WWOX: variants seen among roughly 807,000 people sequenced by gnomAD.
WWOX encodes the protein WW domain containing oxidoreductase, also known as WW domain-containing oxidoreductase.
WWOX carries 69 observed loss-of-function variants against 46.2 expected under a neutral mutation model. The ratio of observed to expected loss-of-function variants is 1.49; its 90% CI spans 1.23 to 1.82. The LOEUF is 1.82. WWOX is among the 40% of genes most tolerant of loss of function. WWOX has a pLI of 0.00. For synonymous variants in WWOX, 359 were observed against 202.6 expected (o/e 1.77, Z -6.56); for missense variants, 919 against 542.6 (o/e 1.69, Z -6.89).
intron 6 of WWOX, among the ~76,000 whole-genome samples, chr16:78,394,427 A>G (rs1176912809): frequency 1.4e-5 from 2 of 144,480 alleles, no homozygotes; most frequent in African/African-American, 5.2e-5. Context: ...TTGAAAAAGC[A>G]CACTGTGAAA....
chr16:78,829,827 C>T (rs957311879), intron 8 of WWOX, among the ~76,000 whole-genome samples: 2 of 152,172 alleles, frequency 1.3e-5, no homozygotes, highest in African/African-American at 4.8e-5. Flanking sequence ...GCTCCTCCCT[C>T]CTGCTAGCAT....
At chr16:78,105,388 G>T (rs879932537) in intron 1 of WWOX, among the ~76,000 whole-genome samples, 7 of 151,960 alleles carry the variant, frequency 4.6e-5, no homozygotes, top group Non-Finnish European at 7.4e-5. Flanking sequence ...GAACCTGGGA[G>T]GCAGAGGTTG....
intron 8 of WWOX, among the ~76,000 whole-genome samples, chr16:78,595,450 C>T (rs77120199): frequency 0.023 from 3,463 of 152,256 alleles, 104 homozygotes; most frequent in East Asian, 0.14. Flanking sequence ...CATACATTGA[C>T]CAAAGATCCG....
chr16:78,758,061 T>C (rs1294476366), intron 8 of WWOX, among the ~76,000 whole-genome samples: 4 of 152,178 alleles, frequency 2.6e-5, no homozygotes, highest in African/African-American at 7.2e-5. Flanking sequence ...CCTATTATTA[T>C]TAATATTTAA....
At chr16:78,995,431 T>C (rs1391134919) in intron 8 of WWOX, among the ~76,000 whole-genome samples, 4 of 152,136 alleles carry the variant, frequency 2.6e-5, no homozygotes, top group Non-Finnish European at 5.9e-5. Flanking sequence ...TTTTCTGTCC[T>C]CAGCCGTAAG....
chr16:78,497,868 T>TAAA (rs2084955407), intron 8 of WWOX, among the ~76,000 whole-genome samples: 2 of 22,936 alleles, frequency 8.7e-5, no homozygotes, highest in South Asian at 4.7e-3. Flanking sequence ...ATAAAAAAAT[T>TAAA]AAAAAAGCCC....
intron 8 of WWOX, among the ~76,000 whole-genome samples, chr16:78,873,847 G>C (rs1006441394): frequency 1.3e-5 from 2 of 151,912 alleles, no homozygotes; most frequent in African/African-American, 4.8e-5. Flanking sequence ...TTTTTTGCCA[G>C]GCCATGTGCT....
chr16:78,122,544 T>G (rs1225739221), intron 4 of WWOX, among the ~76,000 whole-genome samples: 2 of 152,184 alleles, frequency 1.3e-5, no homozygotes, highest in Non-Finnish European at 2.9e-5. Flanking sequence ...TTTGATCTTT[T>G]GCTTTTACAT....
intron 8 of WWOX, among the ~76,000 whole-genome samples, chr16:78,810,013 C>T (rs180964301): frequency 2.6e-5 from 4 of 152,280 alleles, no homozygotes; most frequent in African/African-American, 9.6e-5. Flanking sequence ...AACATGGATT[C>T]ATCAAAGGAA....
At chr16:78,978,806 T>A (rs2046623294) in intron 8 of WWOX, among the ~76,000 whole-genome samples, 1 of 152,014 alleles carries the variant, frequency 6.6e-6, no homozygotes, top group African/African-American at 2.4e-5. Context: ...TTATGAAGGG[T>A]TCATCCTCAT....
intron 5 of WWOX, among the ~76,000 whole-genome samples, chr16:78,170,081 G>C (rs753354640): frequency 6.6e-6 from 1 of 152,106 alleles, no homozygotes; most frequent in Non-Finnish European, 1.5e-5. Flanking sequence ...AATGTGTCTT[G>C]AGTCTATTAC....
At chr16:78,674,392 G>A (rs1597428240) in intron 8 of WWOX, among the ~76,000 whole-genome samples, 1 of 149,636 alleles carries the variant, frequency 6.7e-6, no homozygotes, top group South Asian at 2.1e-4. Context: ...TCAAGCAATT[G>A]TCCTGCCTCA....
chr16:78,751,674 T>G (rs1199445493), intron 8 of WWOX, among the ~76,000 whole-genome samples: 1 of 151,696 alleles, frequency 6.6e-6, no homozygotes, highest in Non-Finnish European at 1.5e-5. Context: ...GAAAGCCATT[T>G]CTGCAGAGTT....
chr16:78,361,044 A>G (rs2081399634), intron 5 of WWOX, among the ~76,000 whole-genome samples: 1 of 152,030 alleles, frequency 6.6e-6, no homozygotes, highest in Non-Finnish European at 1.5e-5. Flanking sequence ...GCTGGTTTTG[A>G]GCTCCTGGGC....
At chr16:78,740,315 C>T (rs1033808655) in intron 8 of WWOX, among the ~76,000 whole-genome samples, 1 of 152,218 alleles carries the variant, frequency 6.6e-6, no homozygotes, top group Middle Eastern at 3.4e-3. Context: ...AATTACCCGT[C>T]GGGGGGCTCC....
chr16:78,851,344 A>G (rs2052438384), intron 8 of WWOX, among the ~76,000 whole-genome samples: 1 of 152,232 alleles, frequency 6.6e-6, no homozygotes, highest in Non-Finnish European at 1.5e-5. Flanking sequence ...GGAAGAGAGG[A>G]TGAGAATTTT....
Position 78,947,239 on chromosome 16 carries a change from G to C in WWOX, c.1057-264369G>C, listed in dbSNP as rs75960838. Among the ~76,000 whole-genome samples, 9 of 152,202 alleles carry C rather than the reference G, an allele frequency of 5.9e-5. No homozygotes were observed. In the East Asian group the frequency reaches 1.7e-3, roughly 29 times the overall value. On this transcript the variant is annotated intron_variant, in intron 8 of 8. Transcript: ENST00000566780. ...CAACTGGAGGCCTGCAAATGAGTTTGCTAAATGTTATATTTTCTCAAGCCA... is the reference window on the plus strand; with the variant it reads ...CAACTGGAGGCCTGCAAATGAGTTTCCTAAATGTTATATTTTCTCAAGCCA...
intron 8 of WWOX, among the ~76,000 whole-genome samples, chr16:78,578,274 A>AT (rs2044947905): frequency 6.4e-5 from 2 of 31,204 alleles, no homozygotes; most frequent in East Asian, 7.5e-4. Flanking sequence ...ATATATATAT[A>AT]TATATATATA....
At chr16:78,938,556 G>C (rs1227141002) in intron 8 of WWOX, among the ~76,000 whole-genome samples, 1 of 152,066 alleles carries the variant, frequency 6.6e-6, no homozygotes, top group Admixed American at 6.5e-5. Flanking sequence ...GCAACAGTGG[G>C]TTTTTGTTAA....
Sources: gnomAD v4.1 joint callset for allele counts (sites outside exome capture counted in the v4.1 genomes callset) on GRCh38, gnomAD v4.1.1 for gene constraint, MANE v1.5 for transcripts, NCBI Gene and HGNC (gene_info 2026-07-23, HGNC 2026-07-21) for gene names.